The following DHRS4L2 variants were observed in gnomAD, a reference collection of about 807,000 sequenced individuals.
DHRS4L2 encodes dehydrogenase/reductase 4 like 2.
In DHRS4L2, 22 loss-of-function variants were observed where a neutral mutation model predicts 23.9. The ratio of observed to expected loss-of-function variants is 0.92; its 90% CI spans 0.66 to 1.31. DHRS4L2 has a LOEUF of 1.31. Ranked by LOEUF, DHRS4L2 falls within the 40% of genes most tolerant of loss-of-function variation. The probability of loss-of-function intolerance (pLI) is 0.00; values close to 1 mark genes in which losing one functional copy is unlikely to be tolerated. For missense variants in DHRS4L2, 385 were observed against 303.3 expected (o/e 1.27, Z -2.00); for synonymous variants, 141 against 123.7 (o/e 1.14, Z -0.93).
At position 24,000,928 on chromosome 14, in the gene DHRS4L2, A is replaced by G; in HGVS notation, c.474A>G (p.Lys158=). 6.2e-6 allele frequency: 10 copies of G among 1,611,320 alleles called. No homozygotes were observed. The highest frequency in any genetic ancestry group is 1.1e-5 in the South Asian group (1 of 90,912). Residue 158 remains lysine (K), a synonymous_variant, in exon 4 of 8, where the codon AAA becomes AAG. Transcript: ENST00000335125. ...MTKAVVPEME[K]RGGGSVVIVS... is the part of the protein sequence containing the mutation. The stretch of plus-strand genomic sequence containing the variant: ...AGGCAGTGGTGCCAGAAATGGAGAA[A>G]CGAGGGTACAGAGAGTGAGAGAGAG...
At position 24,000,907 on chromosome 14, in the gene DHRS4L2, A is replaced by T; in HGVS notation, c.453A>T (p.Ala151=). The change falls in exon 4 of 8, where the codon GCA becomes GCT. Residue 151 remains alanine (A), a synonymous_variant. Transcript: ENST00000335125. ...AGGCCCCAGCCCTGATGACAAAGGCAGTGGTGCCAGAAATGGAGAAACGAG... is the reference window on the plus strand; with the variant it reads ...AGGCCCCAGCCCTGATGACAAAGGCTGTGGTGCCAGAAATGGAGAAACGAG... ...NVKAPALMTK[A]VVPEMEKRGG... 1.2e-6 allele frequency: 2 copies of T among 1,611,144 alleles called. No homozygotes were observed. The highest frequency in any genetic ancestry group is 1.7e-6 in the Non-Finnish European group (2 of 1,179,254).
chr14:23,989,557 T>G (rs375472648), intron 1 of DHRS4L2, among the ~76,000 whole-genome samples: 1 of 151,560 alleles, frequency 6.6e-6, no homozygotes, highest in Admixed American at 6.6e-5. Context: ...CATCTGGGCC[T>G]ACCTTGCCCA....
intron 2 of DHRS4L2, among the ~76,000 whole-genome samples, chr14:23,991,641 G>A (rs1290793468): frequency 2.0e-5 from 3 of 151,614 alleles, no homozygotes; most frequent in Non-Finnish European, 4.4e-5. Flanking sequence ...GAAGGAAAGA[G>A]AGGAGCACTG....
upstream of DHRS4L2, among the ~76,000 whole-genome samples, chr14:23,985,334 TACTA>T (rs1205013121): frequency 1.3e-5 from 2 of 151,680 alleles, no homozygotes; most frequent in African/African-American, 2.4e-5. Flanking sequence ...TGCCAGCACT[TACTA>T]AGGAAGTGCT....
intron 1 of DHRS4L2, among the ~76,000 whole-genome samples, chr14:23,971,002 C>G (rs1319098926): frequency 6.6e-6 from 1 of 152,084 alleles, no homozygotes; most frequent in Non-Finnish European, 1.5e-5. Flanking sequence ...AGGTCACCAA[C>G]ATCAAAGACC....
intron 2 of DHRS4L2, among the ~76,000 whole-genome samples, chr14:23,994,290 G>T (rs2138544310): frequency 6.6e-6 from 1 of 151,834 alleles, no homozygotes; most frequent in Non-Finnish European, 1.5e-5. Context: ...ATAGATTTTG[G>T]GGTGAGACTT....
At chr14:23,984,125 C>T (rs965901850), upstream of DHRS4L2, among the ~76,000 whole-genome samples, 10 of 151,354 alleles carry the variant, frequency 6.6e-5, no homozygotes, top group Admixed American at 6.6e-4. Context: ...GCAGTATGTG[C>T]AGTGTAATCT....
At chr14:23,976,674 G>C (rs751526591) in intron 1 of DHRS4L2, among the ~76,000 whole-genome samples, 3 of 151,700 alleles carry the variant, frequency 2.0e-5, no homozygotes, top group Non-Finnish European at 4.4e-5. Flanking sequence ...TTGCAGCACT[G>C]TTCACAATAG....
intron 1 of DHRS4L2, among the ~76,000 whole-genome samples, chr14:23,977,112 A>G (rs149491291): frequency 1.2e-4 from 19 of 152,046 alleles, no homozygotes; most frequent in African/African-American, 4.6e-4. Flanking sequence ...ATAATAAAAA[A>G]AGAAATTCTA....
chr14:23,987,661 A>AAC (rs369621039), upstream of DHRS4L2, among the ~76,000 whole-genome samples: 12 of 146,024 alleles, frequency 8.2e-5, no homozygotes, highest in East Asian at 3.9e-4. Context: ...ACAAAACACT[A>AAC]ACACACACAC....
chr14:23,970,505 C>A (rs1197598046), intron 1 of DHRS4L2, among the ~76,000 whole-genome samples: 7 of 152,044 alleles, frequency 4.6e-5, no homozygotes, highest in Non-Finnish European at 8.8e-5. Flanking sequence ...CTCAGCAAGG[C>A]CTACTGCCTC....
chr14:23,987,848 A>T (rs2034182479), upstream of DHRS4L2, among the ~76,000 whole-genome samples: 1 of 151,804 alleles, frequency 6.6e-6, no homozygotes, highest in South Asian at 2.1e-4. Context: ...AAACTAATTC[A>T]GATACTTACC....
intron 7 of DHRS4L2, among the ~76,000 whole-genome samples, chr14:24,005,487 T>C (rs955766030): frequency 4.3e-4 from 65 of 152,144 alleles, no homozygotes; most frequent in Non-Finnish European, 8.1e-4. Flanking sequence ...CCTGTACAAA[T>C]GGAATCATTT....
intron 2 of DHRS4L2, 64 bp from the exon 3 acceptor site, chr14:23,994,968 A>G: frequency 1.3e-6 from 2 of 1,594,742 alleles, no homozygotes; most frequent in South Asian, 2.2e-5. Flanking sequence ...GTTTTTATCA[A>G]CATGGGTAAA....
In DHRS4L2 at chr14:23,990,683, C is replaced by A. The variant is rs924112051; in HGVS notation, c.306+324C>A. The A allele has an allele frequency of 2.8e-4, 307 of 1,099,906 alleles. 3 individuals are homozygous for A. The highest frequency in any genetic ancestry group is 3.1e-4 in the Non-Finnish European group (276 of 892,760). 68.1% of individuals were successfully genotyped at this position (1,099,906 alleles called of 1,614,324 possible). A position where few individuals can be genotyped will look rare whatever the true frequency, so the allele number is the denominator to read the frequency against. ...CCCATGAGCTAATAAACATTCCCCT[C>A]TTCTTCAGCTTATAGAGTCAAGTCC... On this transcript the variant is annotated intron_variant, in intron 2 of 7. Transcript: ENST00000335125.
At chr14:23,977,411 T>C (rs1410359685) in intron 1 of DHRS4L2, among the ~76,000 whole-genome samples, 2 of 151,766 alleles carry the variant, frequency 1.3e-5, no homozygotes, top group South Asian at 4.2e-4. Flanking sequence ...AGTTGGCCAC[T>C]GCGACCTAAA....
upstream of DHRS4L2, among the ~76,000 whole-genome samples, chr14:23,986,546 T>C (rs1338099256): frequency 7.3e-5 from 11 of 150,288 alleles, no homozygotes; most frequent in African/African-American, 2.7e-4. Flanking sequence ...AAAGAAATAG[T>C]GCTGGAGGCC....
At chr14:23,972,912 T>A (rs2033890993) in intron 1 of DHRS4L2, among the ~76,000 whole-genome samples, 1 of 151,996 alleles carries the variant, frequency 6.6e-6, no homozygotes, top group South Asian at 2.1e-4. Context: ...CAGATTTATG[T>A]TTCTCTCCAC....
upstream of DHRS4L2, among the ~76,000 whole-genome samples, chr14:23,988,256 T>A (rs1357097350): frequency 6.7e-6 from 1 of 149,714 alleles, no homozygotes; most frequent in East Asian, 2.0e-4. Flanking sequence ...CTGTCCAGCC[T>A]CCTCGCTACC....
Sources: gnomAD v4.1 joint callset for allele counts (sites outside exome capture counted in the v4.1 genomes callset) on GRCh38, gnomAD v4.1.1 for gene constraint, MANE v1.5 for transcripts, NCBI Gene and HGNC (gene_info 2026-07-23, HGNC 2026-07-21) for gene names.